Variants in TAFA5 observed in about 807,000 individuals in gnomAD.
The protein encoded by TAFA5 is TAFA chemokine like family member 5.
A neutral mutation model predicts 15.3 loss-of-function variants in TAFA5; 6 were observed. The observed-to-expected ratio is 0.39, with a 90% CI of 0.21 to 0.77. The LOEUF (loss-of-function observed/expected upper bound fraction) is 0.77. Among genes scored for constraint, TAFA5 ranks in the 30% least tolerant of loss-of-function variants. TAFA5 has a pLI of 0.41. For synonymous variants in TAFA5, 103 were observed against 80.7 expected (o/e 1.28, Z -1.48); for missense variants, 161 against 193.1 (o/e 0.83, Z 0.98).
Position 48,672,769 on chromosome 22 carries a change from T to A in TAFA5, c.262+26023T>A, listed in dbSNP as rs115844948. ...GGCACTTTGCATGGGAAGTTCAGAT[T>A]TAGCTCAGGGAATTTTATGTATCTG... On this transcript the variant is annotated intron_variant, in intron 2 of 3. Coordinates refer to ENST00000402357, the MANE Select transcript of TAFA5 (RefSeq NM_001082967.3). 9.6e-3 allele frequency among the ~76,000 whole-genome samples: 1,461 copies of A among 152,314 alleles called. 22 individuals carry two copies. Among genetic ancestry groups the A allele is most frequent in the African/African-American group, 0.034 (1,396 of 41,564 alleles).
chr22:48,669,444 T>G (rs9617495), intron 2 of TAFA5, among the ~76,000 whole-genome samples: 55,502 of 152,148 alleles, frequency 0.36, 10,343 homozygotes, highest in Non-Finnish European at 0.4. Flanking sequence ...TTCTAGAAGG[T>G]CAGGTGCCCA....
chr22:48,745,920 G>A (rs1027103847), intron 3 of TAFA5, among the ~76,000 whole-genome samples: 4 of 152,198 alleles, frequency 2.6e-5, no homozygotes, highest in African/African-American at 9.6e-5. Context: ...GGGCCGGTGA[G>A]CTGAGCTCCT....
At chr22:48,678,041 C>T (rs1049623743) in intron 2 of TAFA5, among the ~76,000 whole-genome samples, 1 of 152,252 alleles carries the variant, frequency 6.6e-6, no homozygotes, top group Non-Finnish European at 1.5e-5. Context: ...TCCCTATCCC[C>T]GCCCCCGTTG....
At chr22:48,666,706 C>A (rs2147218652) in intron 2 of TAFA5, among the ~76,000 whole-genome samples, 1 of 152,312 alleles carries the variant, frequency 6.6e-6, no homozygotes, top group African/African-American at 2.4e-5. Context: ...CCGGCTAGTT[C>A]CACTGCCCTG....
chr22:48,649,581 G>A (rs1363385922), intron 2 of TAFA5, among the ~76,000 whole-genome samples: 1 of 152,188 alleles, frequency 6.6e-6, no homozygotes, highest in African/African-American at 2.4e-5. Flanking sequence ...CTGCTCAGTG[G>A]CTCTCAGGCC....
chr22:48,708,233 C>T (rs1480624456), intron 3 of TAFA5, among the ~76,000 whole-genome samples: 1 of 152,180 alleles, frequency 6.6e-6, no homozygotes, highest in Non-Finnish European at 1.5e-5. Context: ...TGATAACTCC[C>T]CCAGGGCACG....
intron 2 of TAFA5, among the ~76,000 whole-genome samples, chr22:48,664,832 G>A (rs1209381897): frequency 6.6e-6 from 1 of 152,156 alleles, no homozygotes; most frequent in Non-Finnish European, 1.5e-5. Flanking sequence ...CTATCTGTCT[G>A]TGCCAAGGAC....
chr22:48,574,135 G>A (rs1313377102), intron 1 of TAFA5, among the ~76,000 whole-genome samples: 1 of 152,208 alleles, frequency 6.6e-6, no homozygotes, highest in African/African-American at 2.4e-5. Flanking sequence ...TAGGAAATGG[G>A]GTTTTGAAGG....
chr22:48,548,112 G>C (rs561105466), intron 1 of TAFA5, among the ~76,000 whole-genome samples: 13 of 152,350 alleles, frequency 8.5e-5, no homozygotes, highest in African/African-American at 2.9e-4. Context: ...CACAGGCCCA[G>C]CTTCAGGCGC....
At chr22:48,494,711 C>A (rs1230930454) in intron 1 of TAFA5, among the ~76,000 whole-genome samples, 2 of 152,204 alleles carry the variant, frequency 1.3e-5, no homozygotes, top group Non-Finnish European at 2.9e-5. Context: ...CTCCAGCCAC[C>A]CTGCTCCTCC....
At position 48,559,574 on chromosome 22, in the gene TAFA5, G is replaced by A. The variant is rs73425905; in HGVS notation, c.112+69870G>A. 1.7e-3 allele frequency among the ~76,000 whole-genome samples: 262 copies of A among 152,246 alleles called. 1 individual carries two copies. The highest frequency in any genetic ancestry group is 6.1e-3 in the African/African-American group (252 of 41,552). On this transcript the variant is annotated intron_variant, in intron 1 of 3. Coordinates refer to ENST00000402357, the MANE Select transcript of TAFA5 (RefSeq NM_001082967.3). Reference sequence around the variant, plus strand: ...TCCCCCCTGGTCTCCACGTCCCCAAGGCTTCTCCCTGTCACTGCAGCCGTC... The same window carrying A: ...TCCCCCCTGGTCTCCACGTCCCCAAAGCTTCTCCCTGTCACTGCAGCCGTC...
chr22:48,654,707 C>T (rs1214555525), intron 2 of TAFA5, among the ~76,000 whole-genome samples: 2 of 152,218 alleles, frequency 1.3e-5, no homozygotes, highest in East Asian at 3.8e-4. Flanking sequence ...AGCCGAATGA[C>T]TCAAATGACT....
At chr22:48,716,092 T>C (rs1929393718) in intron 3 of TAFA5, among the ~76,000 whole-genome samples, 1 of 152,202 alleles carries the variant, frequency 6.6e-6, no homozygotes, top group African/African-American at 2.4e-5. Context: ...TCTGTTCTGT[T>C]TCATTGGTCT....
At chr22:48,609,220 C>T (rs560970647) in intron 1 of TAFA5, among the ~76,000 whole-genome samples, 2 of 152,284 alleles carry the variant, frequency 1.3e-5, no homozygotes, top group African/African-American at 4.8e-5. Context: ...TCAGCAGGTT[C>T]CTGGGTGAGG....
intron 1 of TAFA5, among the ~76,000 whole-genome samples, chr22:48,571,574 GTTTTTTTTTTTTTTTTTTT>G (rs57578802): frequency 3.1e-4 from 9 of 29,240 alleles, no homozygotes; most frequent in African/African-American, 6.8e-4. Flanking sequence ...TGCCTGGCCT[GTTTTTTTTTTTTTTTTTTT>G]TTTTTTTTTT....
chr22:48,658,928 C>G (rs1249093378), intron 2 of TAFA5, among the ~76,000 whole-genome samples: 1 of 152,150 alleles, frequency 6.6e-6, no homozygotes, highest in Non-Finnish European at 1.5e-5. Flanking sequence ...GAACCATGGC[C>G]TCAGACTGCA....
intron 1 of TAFA5, among the ~76,000 whole-genome samples, chr22:48,520,154 A>T (rs1343341283): frequency 1.3e-5 from 2 of 152,202 alleles, no homozygotes; most frequent in Admixed American, 6.5e-5. Flanking sequence ...GCTGGAGGCC[A>T]CATGTTTCCC....
At chr22:48,642,839 C>A (rs529580136) in intron 1 of TAFA5, among the ~76,000 whole-genome samples, 14 of 152,040 alleles carry the variant, frequency 9.2e-5, no homozygotes, top group Non-Finnish European at 1.9e-4. Context: ...TGCATGCACA[C>A]GTGTGTGTGA....
chr22:48,669,910 G>A (rs966041511), intron 2 of TAFA5, among the ~76,000 whole-genome samples: 7 of 152,328 alleles, frequency 4.6e-5, no homozygotes, highest in East Asian at 1.9e-4. Flanking sequence ...GCTGCCTCCC[G>A]CCTGAGCTGG....
Sources: gnomAD v4.1 joint callset for allele counts (sites outside exome capture counted in the v4.1 genomes callset) on GRCh38, gnomAD v4.1.1 for gene constraint, MANE v1.5 for transcripts, NCBI Gene and HGNC (gene_info 2026-07-23, HGNC 2026-07-21) for gene names.